The following HCCS variants were observed in gnomAD, a reference collection of about 807,000 sequenced individuals.
HCCS encodes the protein holocytochrome c-type synthase.
HCCS carries 2 observed loss-of-function variants against 24.2 expected under a neutral mutation model. The observed-to-expected ratio is 0.08, with a 90% CI of 0.03 to 0.26. The LOEUF (loss-of-function observed/expected upper bound fraction) is 0.26, where lower values mean the gene tolerates loss of function less well. Among genes scored for constraint, HCCS ranks in the 10% least tolerant of loss-of-function variants. HCCS has a pLI of 1.00. For missense variants in HCCS, 150 were observed against 213.3 expected, an observed-to-expected ratio of 0.70 and a Z score of 1.85; for synonymous variants, 73 against 76.2, an observed-to-expected ratio of 0.96 and a Z score of 0.22.
chrX:11,113,365 C>A (rs1019052006), intron 2 of HCCS, among the ~76,000 whole-genome samples: 2 of 112,465 alleles, frequency 1.8e-5, no homozygotes, highest in African/African-American at 3.2e-5. Flanking sequence ...ACATTCTCAT[C>A]TTCATAAGCT....
chrX:11,114,708 C>A, intron 2 of HCCS, 127 bp from the exon 3 acceptor site: 1 of 604,331 alleles, frequency 1.7e-6, no homozygotes. Flanking sequence ...TAGATTTAAA[C>A]AGAAGAAACC....
chrX:11,117,518 T>C lies in HCCS; in HGVS notation c.401+103T>C, dbSNP rs760118461. On this transcript the variant is annotated intron_variant, in intron 4 of 6. Coordinates refer to ENST00000380762, the MANE Select transcript of HCCS (RefSeq NM_005333.5). ...TTCAAAACAATATAGTACATTTTTA[T>C]GTATTAATCAGTTTATAATCACCTG... 2.0e-4 allele frequency: 142 copies of C among 706,985 alleles called. No individual in the cohort carries two copies. The African/African-American group carries it at 2.7e-3, about 14-fold the overall frequency. The allele number at this position is 706,985 out of a possible 1,213,427, so 58.3% of individuals were successfully genotyped here.
At chrX:11,121,131 CCT>C in intron 6 of HCCS, 138 bp downstream of exon 6, 1 of 557,841 alleles carries the variant, frequency 1.8e-6, no homozygotes, top group East Asian at 3.4e-5. Flanking sequence ...TCTTTCTCTC[CCT>C]GAGGTTTGCC....
rs756524998 is a variant in HCCS at position 11,112,085 on chromosome X, G to A, written c.25G>A (p.Ala9Thr). 2 of 1,209,510 alleles carry A rather than the reference G, an allele frequency of 1.7e-6. No individual in the cohort carries two copies. The highest frequency in any genetic ancestry group is 1.8e-5 in the South Asian group (1 of 56,973). The change falls in exon 2 of 7, where the codon GCT (alanine) becomes ACT (threonine). Residue 9 changes from alanine to threonine, a missense_variant. Physicochemically the swap from Ala to Thr is moderately conservative, Grantham distance 58. Coordinates refer to ENST00000380762, the MANE Select transcript of HCCS (RefSeq NM_005333.5). ...CATGGGTTTGTCTCCATCTGCTCCT[G>A]CTGTTGCAGTTCAGGCCTCAAATGC... MGLSPSAP[A>T]VAVQASNASA...
rs182680236 is a variant in HCCS, at chrX:11,122,744, G to A, written c.*934G>A. On this transcript the variant is annotated 3_prime_UTR_variant, in exon 7 of 7. Transcript: ENST00000380762. ...AGCATTTTTTTCCCAGATGGAGAAC[G>A]CTTCAACTCAGTCTAGATTTTTTTT... 720 of 112,370 alleles carry A rather than the reference G, an allele frequency of 6.4e-3. 2 individuals carry two copies. The highest frequency in any genetic ancestry group is 0.01 in the Non-Finnish European group (553 of 53,282). The allele number at this position is 112,370 out of a possible 1,213,427, so 9.3% of individuals were successfully genotyped here.
At chrX:11,121,498 G>A in intron 6 of HCCS, 114 bp from the exon 7 acceptor site, 1 of 594,985 alleles carries the variant, frequency 1.7e-6, no homozygotes, top group Admixed American at 2.4e-5. Context: ...GACTTCCCCA[G>A]TTAGGTGTTT....
chrX:11,117,595 G>A (rs762999858), intron 4 of HCCS, among the ~76,000 whole-genome samples, 180 bp downstream of exon 4: 3 of 111,817 alleles, frequency 2.7e-5, no homozygotes, highest in African/African-American at 9.7e-5. Context: ...TTAAATCAGG[G>A]TTCTCAAGAG....
At chrX:11,120,040 T>G (rs1490227898) in intron 5 of HCCS, 1 of 325,495 alleles carries the variant, frequency 3.1e-6, no homozygotes, top group South Asian at 2.7e-5. Flanking sequence ...AGGAGAGGAG[T>G]AGTTCCTAAA....
At chrX:11,114,206 T>G (rs1345556475) in intron 2 of HCCS, among the ~76,000 whole-genome samples, 2 of 113,043 alleles carry the variant, frequency 1.8e-5, no homozygotes, top group Non-Finnish European at 3.7e-5. Context: ...GTTAAACTCT[T>G]GCCATTGACT....
In HCCS at chrX:11,118,620, C is replaced by T. The variant is rs367601527; in HGVS notation, c.521C>T (p.Ala174Val). Residue 174 changes from alanine (A) to valine (V), a missense_variant and splice_region_variant, in exon 5 of 7, where the codon GCA becomes GTA. Physicochemically the swap from Ala to Val is moderately conservative, Grantham distance 64. Transcript: ENST00000380762. ...TTGAAGTGGGAAGCCCTTCATGCTG[C>T]GTAAGTATGTTTGAGATCTTAAATG... ...EILKWEALHAAECPCGPSLIR... is the reference protein window; with the variant it reads ...EILKWEALHAVECPCGPSLIR... The T allele has an allele frequency of 1.5e-4, 186 of 1,204,899 alleles. 1 individual carries two copies. The highest frequency in any genetic ancestry group is 7.9e-4 in the African/African-American group (45 of 57,125).
chrX:11,120,832 TA>T, intron 5 of HCCS, 74 bp from the exon 6 acceptor site: 1 of 867,661 alleles, frequency 1.2e-6, no homozygotes, highest in Non-Finnish European at 1.7e-6. Flanking sequence ...TGGATATTAC[TA>T]AAAAATTAGA....
Position 11,112,071 on chromosome X carries a change from C to G in HCCS, c.11C>G (p.Ser4Cys). The G allele has an allele frequency of 8.3e-7, 1 of 1,205,798 alleles. No homozygotes were observed. Among genetic ancestry groups the G allele is most frequent in the Non-Finnish European group, 1.1e-6 (1 of 889,703 alleles). MGL[S>C]PSAPAVAVQA... is the part of the protein sequence containing the mutation. ...ACACTGTTTCCAGCCATGGGTTTGT[C>G]TCCATCTGCTCCTGCTGTTGCAGTT... The change falls in exon 2 of 7, where the codon TCT becomes TGT. Residue 4 changes from serine to cysteine, a missense_variant. Ser to Cys is a moderately radical substitution (Grantham distance 112, BLOSUM62 -1). Coordinates refer to ENST00000380762, the MANE Select transcript of HCCS (RefSeq NM_005333.5).
intron 5 of HCCS, 124 bp from the exon 6 acceptor site, chrX:11,120,783 G>A (rs2045485647): frequency 1.4e-5 from 8 of 588,870 alleles, no homozygotes; most frequent in Non-Finnish European, 2.4e-5. Flanking sequence ...ACCTTTCTCT[G>A]TAAATGTTAT....
chrX:11,114,361 T>C (rs2045433333), intron 2 of HCCS, among the ~76,000 whole-genome samples: 2 of 112,192 alleles, frequency 1.8e-5, no homozygotes, highest in South Asian at 3.7e-4. Context: ...GTACCTGAGA[T>C]AATGCATCAG....
rs937977536 is a variant in HCCS at position 11,122,614 on chromosome X, G to A, written c.*804G>A. On this transcript the variant is annotated 3_prime_UTR_variant, in exon 7 of 7. Coordinates refer to ENST00000380762, the MANE Select transcript of HCCS (RefSeq NM_005333.5). ...GCCTCCACCCTTCCCCACATCAGTC[G>A]GCCTAATCCAAACCTTGAAAGCCTG... 1 of 111,945 alleles carries A rather than the reference G, an allele frequency of 8.9e-6. No individual in the cohort carries two copies. 9.2% of individuals were successfully genotyped at this position (111,945 alleles called of 1,213,427 possible).
rs1310915105 is a variant in HCCS, at chrX:11,122,520, G to T, written c.*710G>T. 2.7e-5 allele frequency: 3 copies of T among 111,919 alleles called. No homozygotes were observed. The Admixed American group carries it at 2.9e-4, about 11-fold the overall frequency. The allele number at this position is 111,919 out of a possible 1,213,427, so 9.2% of individuals were successfully genotyped here. On this transcript the variant is annotated 3_prime_UTR_variant, in exon 7 of 7. Coordinates refer to ENST00000380762, the MANE Select transcript of HCCS (RefSeq NM_005333.5). ...ATGTAACTCTGCTCCCAACAAACAG[G>T]TCTCCTCATTGTCCTTGGCATTTGA...
At chrX:11,121,030 C>T (rs758239529) in intron 6 of HCCS, 37 bp downstream of exon 6, 2 of 1,066,388 alleles carry the variant, frequency 1.9e-6, no homozygotes, top group Non-Finnish European at 2.6e-6. Flanking sequence ...TCACCATCCT[C>T]AGGTCAGGGT....
intron 2 of HCCS, among the ~76,000 whole-genome samples, chrX:11,112,363 G>T (rs1161939597): frequency 9.0e-6 from 1 of 111,492 alleles, no homozygotes; most frequent in African/African-American, 3.3e-5. Context: ...GTGGGTGCCC[G>T]TAGTACCAGC....
intron 2 of HCCS, 147 bp from the exon 3 acceptor site, chrX:11,114,684 AGTTC>A: frequency 1.9e-6 from 1 of 531,334 alleles, no homozygotes; most frequent in Non-Finnish European, 3.3e-6. Flanking sequence ...AATGTTAGCT[AGTTC>A]AGTTCTTGAT....
Sources: gnomAD v4.1 joint callset for allele counts (sites outside exome capture counted in the v4.1 genomes callset) on GRCh38, gnomAD v4.1.1 for gene constraint, MANE v1.5 for transcripts, NCBI Gene and HGNC (gene_info 2026-07-23, HGNC 2026-07-21) for gene names.